Variants in ROBO2 observed in about 807,000 individuals in gnomAD.
ROBO2 encodes roundabout guidance receptor 2, also known as roundabout homolog 2.
ROBO2 carries 53 observed loss-of-function variants against 160.8 expected under a neutral mutation model. That is an observed-to-expected ratio of 0.33 (90% confidence interval 0.26 to 0.41). The LOEUF (loss-of-function observed/expected upper bound fraction) is 0.41. Among genes scored for constraint, ROBO2 ranks in the 10% least tolerant of loss-of-function variants. The probability of loss-of-function intolerance (pLI) is 1.00; values close to 1 mark genes in which losing one functional copy is unlikely to be tolerated. For missense variants in ROBO2, 1,577 were observed against 1,722.4 expected (o/e 0.92, Z 1.49); for synonymous variants, 664 against 611.7 (o/e 1.09, Z -1.26).
chr3:76,962,455 A>G (rs763831745), intron 2 of ROBO2, among the ~76,000 whole-genome samples: 3 of 152,000 alleles, frequency 2.0e-5, no homozygotes, highest in Non-Finnish European at 4.4e-5. Flanking sequence ...CCTGACCAAC[A>G]TGGAGAAAGC....
chr3:77,144,199 T>C (rs2076945377), intron 2 of ROBO2, among the ~76,000 whole-genome samples: 1 of 152,148 alleles, frequency 6.6e-6, no homozygotes. Context: ...TACTCTCCCT[T>C]TTATTTCCCT....
chr3:76,038,998 G>T (rs1462070242), intron 2 of ROBO2, among the ~76,000 whole-genome samples: 1 of 151,952 alleles, frequency 6.6e-6, no homozygotes, highest in Non-Finnish European at 1.5e-5. Flanking sequence ...CTTAGGATTG[G>T]TAATGTTGAC....
At chr3:76,152,487 T>A (rs901662744) in intron 2 of ROBO2, among the ~76,000 whole-genome samples, 5 of 152,176 alleles carry the variant, frequency 3.3e-5, no homozygotes, top group African/African-American at 1.2e-4. Flanking sequence ...TGAGTATACA[T>A]TTATTTAATA....
chr3:77,466,444 A>G (rs935182772), intron 2 of ROBO2, among the ~76,000 whole-genome samples: 3 of 152,148 alleles, frequency 2.0e-5, no homozygotes, highest in Admixed American at 6.5e-5. Flanking sequence ...TGTACTCTCA[A>G]ACTGCTCATT....
chr3:76,236,652 T>G (rs1288764498), intron 2 of ROBO2, among the ~76,000 whole-genome samples: 2 of 152,146 alleles, frequency 1.3e-5, no homozygotes, highest in African/African-American at 4.8e-5. Flanking sequence ...CAGTTTTTAT[T>G]TGTGAATATT....
intron 2 of ROBO2, among the ~76,000 whole-genome samples, chr3:77,155,020 T>G (rs2077878209): frequency 6.6e-6 from 1 of 151,626 alleles, no homozygotes; most frequent in Non-Finnish European, 1.5e-5. Flanking sequence ...AAACTAAAAG[T>G]TCAAAAATAA....
chr3:77,565,246 T>G, intron 12 of ROBO2, 126 bp downstream of exon 13: 1 of 1,099,856 alleles, frequency 9.1e-7, no homozygotes, highest in Non-Finnish European at 1.4e-6. Flanking sequence ...CTAGGCTTTA[T>G]CCAGGGAAGG....
chr3:77,097,537 G>A (rs546801329), intron 1 of ROBO2, among the ~76,000 whole-genome samples: 1 of 152,148 alleles, frequency 6.6e-6, no homozygotes, highest in South Asian at 2.1e-4. Context: ...TGCCTCATCT[G>A]TTAAATGCAG....
chr3:76,838,012 T>C (rs2067867175), intron 2 of ROBO2, among the ~76,000 whole-genome samples: 1 of 152,084 alleles, frequency 6.6e-6, no homozygotes, highest in Non-Finnish European at 1.5e-5. Context: ...AATGAAATGT[T>C]TCATTACGCT....
At chr3:76,419,008 T>C (rs1384063751) in intron 2 of ROBO2, among the ~76,000 whole-genome samples, 1 of 152,174 alleles carries the variant, frequency 6.6e-6, no homozygotes, top group African/African-American at 2.4e-5. Flanking sequence ...ATTTTAATCA[T>C]GGTTTTACAA....
chr3:76,649,063 A>ATAGATATTGACT (rs2091126848), intron 2 of ROBO2, among the ~76,000 whole-genome samples: 1 of 152,118 alleles, frequency 6.6e-6, no homozygotes, highest in African/African-American at 2.4e-5. Flanking sequence ...TTGATTTCAA[A>ATAGATATTGACT]TCCAGTATAG....
At chr3:76,673,411 G>C (rs1170735991) in intron 2 of ROBO2, among the ~76,000 whole-genome samples, 1 of 152,098 alleles carries the variant, frequency 6.6e-6, no homozygotes, top group Admixed American at 6.6e-5. Context: ...TTTTTAACTG[G>C]TTAGCAATAC....
intron 2 of ROBO2, among the ~76,000 whole-genome samples, chr3:76,712,667 G>A (rs571965703): frequency 9.5e-4 from 144 of 151,424 alleles, no homozygotes; most frequent in African/African-American, 3.3e-3. Context: ...ACAGTGAGAT[G>A]CCGTCTCAAA....
chr3:77,579,068 G>A (rs2093843251), intron 15 of ROBO2, among the ~76,000 whole-genome samples: 1 of 152,042 alleles, frequency 6.6e-6, no homozygotes, highest in African/African-American at 2.4e-5. Context: ...AAAATTCTGG[G>A]AACTTACCTG....
intron 2 of ROBO2, among the ~76,000 whole-genome samples, chr3:75,951,372 T>C (rs1181735667): frequency 6.6e-6 from 1 of 152,192 alleles, no homozygotes; most frequent in Non-Finnish European, 1.5e-5. Flanking sequence ...TCTCTGTCTC[T>C]CCTTCATCTA....
chr3:77,140,837 T>A (rs1319014547), intron 2 of ROBO2, among the ~76,000 whole-genome samples: 1 of 152,248 alleles, frequency 6.6e-6, no homozygotes, highest in African/African-American at 2.4e-5. Flanking sequence ...GCTTTCTGTT[T>A]CAAAGAAACC....
At chr3:77,135,505 A>G (rs1289816797) in intron 2 of ROBO2, among the ~76,000 whole-genome samples, 1 of 151,908 alleles carries the variant, frequency 6.6e-6, no homozygotes, top group Non-Finnish European at 1.5e-5. Context: ...GGCTCAGGTG[A>G]TTCTTCCACT....
At chr3:76,928,644 G>A (rs866892516) in intron 2 of ROBO2, among the ~76,000 whole-genome samples, 1 of 151,832 alleles carries the variant, frequency 6.6e-6, no homozygotes, top group African/African-American at 2.4e-5. Flanking sequence ...ATTTCACAGG[G>A]TCTCAACAAT....
At chr3:77,400,041 G>A (rs2075652263) in intron 2 of ROBO2, among the ~76,000 whole-genome samples, 1 of 152,144 alleles carries the variant, frequency 6.6e-6, no homozygotes, top group Non-Finnish European at 1.5e-5. Context: ...AGACAGCAGA[G>A]AGGAAATGGA....
Sources: allele counts gnomAD v4.1 joint callset (sites outside exome capture counted in the v4.1 genomes callset), GRCh38; gene constraint gnomAD v4.1.1; transcripts MANE v1.5; gene names NCBI Gene and HGNC (gene_info 2026-07-23, HGNC 2026-07-21).